CFAP61: variants seen among roughly 807,000 people sequenced by gnomAD.
The protein encoded by CFAP61 is cilia- and flagella-associated protein 61.
Under a neutral mutation model 135.6 loss-of-function variants are expected in CFAP61, and 107 were observed. That is an observed-to-expected ratio of 0.79 (90% CI 0.67 to 0.93). The LOEUF is 0.93. CFAP61 is among the 40% of genes least tolerant of loss of function. CFAP61 has a pLI of 0.00. For missense variants in CFAP61, 1,507 were observed against 1,556.2 expected (o/e 0.97, Z 0.53); for synonymous variants, 575 against 578.5 (o/e 0.99, Z 0.09).
At chr20:20,182,479 T>G (rs936653639) in intron 13 of CFAP61, among the ~76,000 whole-genome samples, 1 of 151,924 alleles carries the variant, frequency 6.6e-6, no homozygotes, top group Non-Finnish European at 1.5e-5. Context: ...CAAAATATGG[T>G]CTGGAGTCAA....
Position 20,290,349 on chromosome 20 carries a change from C to A in CFAP61, c.3174C>A (p.Ala1058=). ...ATTATCTGCATATTGCCAAGCCTGCCATTCCAACTCCCTTGGAGGTACAAA... is the reference window on the plus strand; with the variant it reads ...ATTATCTGCATATTGCCAAGCCTGCAATTCCAACTCCCTTGGAGGTACAAA... ...SYHYLHIAKP[A]IPTPLEVQMA... The change falls in exon 24 of 27, where the codon GCC becomes GCA. Residue 1058 remains alanine (A), a synonymous_variant. Coordinates refer to ENST00000245957, the MANE Select transcript of CFAP61 (RefSeq NM_015585.4). 1 of 1,613,478 alleles carries A rather than the reference C, an allele frequency of 6.2e-7. No individual in the cohort carries two copies.
At chr20:20,099,428 A>G (rs552480165) in intron 8 of CFAP61, among the ~76,000 whole-genome samples, 1 of 152,348 alleles carries the variant, frequency 6.6e-6, no homozygotes, top group East Asian at 1.9e-4. Flanking sequence ...GTGAGGTCTT[A>G]CTGTATCCAT....
chr20:20,150,053 G>A (rs960869938), intron 9 of CFAP61, among the ~76,000 whole-genome samples: 1 of 152,130 alleles, frequency 6.6e-6, no homozygotes, highest in South Asian at 2.1e-4. Context: ...TGGCAAGAGC[G>A]AGACTGGCCT....
chr20:20,252,467 C>T (rs970284802), intron 20 of CFAP61, among the ~76,000 whole-genome samples: 2 of 152,222 alleles, frequency 1.3e-5, no homozygotes, highest in African/African-American at 4.8e-5. Flanking sequence ...GTTTGTGAAA[C>T]CCATGGCCCA....
intron 25 of CFAP61, among the ~76,000 whole-genome samples, chr20:20,311,821 G>A (rs1396745548): frequency 6.6e-6 from 1 of 152,172 alleles, no homozygotes; most frequent in Non-Finnish European, 1.5e-5. Flanking sequence ...ATTAGAAAAA[G>A]CATGACAGTG....
chr20:20,149,221 C>T (rs1292558198), intron 9 of CFAP61, among the ~76,000 whole-genome samples: 2 of 152,190 alleles, frequency 1.3e-5, no homozygotes, highest in African/African-American at 2.4e-5. Context: ...GGATTCAAGT[C>T]ATCTGAGATA....
chr20:20,244,763 C>A (rs966788057), intron 18 of CFAP61, among the ~76,000 whole-genome samples: 4 of 152,228 alleles, frequency 2.6e-5, no homozygotes, highest in Non-Finnish European at 5.9e-5. Context: ...TTTTCTATTG[C>A]ATTGTCAAGC....
intron 25 of CFAP61, among the ~76,000 whole-genome samples, chr20:20,340,895 G>T (rs1249932023): frequency 6.6e-6 from 1 of 152,158 alleles, no homozygotes; most frequent in Admixed American, 6.5e-5. Context: ...TGAGTGCCAG[G>T]CTGTCCCTAA....
At chr20:20,204,686 G>A (rs564708769) in intron 17 of CFAP61, among the ~76,000 whole-genome samples, 1 of 152,268 alleles carries the variant, frequency 6.6e-6, no homozygotes, top group East Asian at 1.9e-4. Context: ...TATATTTGTG[G>A]TCGGGGTATG....
chr20:20,323,431 C>A (rs1046702216), intron 25 of CFAP61: 4 of 422,004 alleles, frequency 9.5e-6, no homozygotes, highest in Admixed American at 6.4e-5. Context: ...AAAGAGAATT[C>A]TCTTCCCAAG....
intron 8 of CFAP61, among the ~76,000 whole-genome samples, chr20:20,124,652 TA>T (rs1478659332): frequency 6.6e-6 from 1 of 151,864 alleles, no homozygotes; most frequent in Non-Finnish European, 1.5e-5. Context: ...AGTTTTTTGT[TA>T]AGGATTTTGG....
chr20:20,340,603 G>T (rs935882476), intron 25 of CFAP61, among the ~76,000 whole-genome samples: 1 of 152,098 alleles, frequency 6.6e-6, no homozygotes, highest in Non-Finnish European at 1.5e-5. Flanking sequence ...AGCATGGCCC[G>T]AGAGCACCTG....
intron 7 of CFAP61, 78 bp from the exon 8 acceptor site, chr20:20,098,577 C>T (rs2047760779): frequency 7.2e-7 from 1 of 1,386,038 alleles, no homozygotes; most frequent in Non-Finnish European, 9.7e-7. Flanking sequence ...CACTGCACTC[C>T]AGCCTGGGTG....
intron 23 of CFAP61, among the ~76,000 whole-genome samples, chr20:20,289,777 G>C (rs2054870174): frequency 6.6e-6 from 1 of 152,250 alleles, no homozygotes; most frequent in African/African-American, 2.4e-5. Context: ...CAAGAGAAGG[G>C]AGGGCTGTCA....
chr20:20,149,753 G>A (rs567064705), intron 9 of CFAP61, among the ~76,000 whole-genome samples: 29 of 152,282 alleles, frequency 1.9e-4, no homozygotes, highest in African/African-American at 4.8e-4. Context: ...AGACATCCTC[G>A]GGGAAGGCAG....
intron 13 of CFAP61, among the ~76,000 whole-genome samples, chr20:20,183,143 T>C (rs994638599): frequency 1.0e-5 from 1 of 95,908 alleles, no homozygotes; most frequent in Non-Finnish European, 2.3e-5. Flanking sequence ...TTCTGATTTT[T>C]TTTTCTTTTC....
intron 9 of CFAP61, among the ~76,000 whole-genome samples, chr20:20,144,911 A>G (rs182949962): frequency 6.6e-6 from 1 of 152,322 alleles, no homozygotes; most frequent in Non-Finnish European, 1.5e-5. Context: ...ACTCCACCCT[A>G]GAATTTTATA....
intron 10 of CFAP61, among the ~76,000 whole-genome samples, chr20:20,162,960 G>C (rs185975820): frequency 1.3e-5 from 2 of 152,162 alleles, no homozygotes; most frequent in Non-Finnish European, 2.9e-5. Context: ...GGTAGTATGA[G>C]AGGGATTAAT....
At position 20,118,253 on chromosome 20, in the gene CFAP61, G is replaced by GTTCCTTTCTTTCTTTCTTTCTTTC. The variant is rs1201152599; in HGVS notation, c.859+19441_859+19442insCCTTTCTTTCTTTCTTTCTTTCTT. On this transcript the variant is annotated intron_variant, in intron 8 of 26. Transcript: ENST00000245957. ...TATGGTCTTCATTATTTTGAGGTAT[G>GTTCCTTTCTTTCTTTCTTTCTTTC]TTTCTTTCTTTCTTTCTTTCTTTCT... Among the ~76,000 whole-genome samples, 7 of 138,610 alleles carry GTTCCTTTCTTTCTTTCTTTCTTTC rather than the reference G, an allele frequency of 5.1e-5. No homozygotes were observed. The East Asian group carries it at 6.3e-4, about 13-fold the overall frequency. The allele number at this position is 138,610 out of a possible 152,430, so 90.9% of individuals were successfully genotyped here.
Sources: allele counts gnomAD v4.1 joint callset (sites outside exome capture counted in the v4.1 genomes callset), GRCh38; gene constraint gnomAD v4.1.1; transcripts MANE v1.5; gene names NCBI Gene and HGNC (gene_info 2026-07-23, HGNC 2026-07-21).